The following GORASP2 variants were observed in gnomAD, a reference collection of about 807,000 sequenced individuals.
GORASP2 encodes golgi reassembly stacking protein 2.
Under a neutral mutation model 45.7 loss-of-function variants are expected in GORASP2, and 22 were observed. The ratio of observed to expected loss-of-function variants is 0.48; its 90% CI spans 0.34 to 0.69. GORASP2 has a LOEUF of 0.69. Ranked by LOEUF, GORASP2 falls within the 30% of genes least tolerant of loss-of-function variation. The probability of loss-of-function intolerance (pLI) is 0.01; values close to 1 mark genes in which losing one functional copy is unlikely to be tolerated. For synonymous variants in GORASP2, 221 were observed against 215.6 expected (o/e 1.02, Z -0.22); for missense variants, 491 against 562.7 (o/e 0.87, Z 1.29).
At chr2:170,949,152 A>G (rs946090802) in intron 2 of GORASP2, among the ~76,000 whole-genome samples, 5 of 152,186 alleles carry the variant, frequency 3.3e-5, no homozygotes, top group African/African-American at 1.2e-4. Flanking sequence ...GTATTTAGAA[A>G]TAGAGTCCAA....
At chr2:170,947,111 T>C (rs977045537) in intron 1 of GORASP2, among the ~76,000 whole-genome samples, 1 of 152,284 alleles carries the variant, frequency 6.6e-6, no homozygotes, top group African/African-American at 2.4e-5. Flanking sequence ...TTTGAGAATC[T>C]GATGAAAGCC....
chr2:170,949,360 G>A (rs2676143), intron 2 of GORASP2, among the ~76,000 whole-genome samples, 179 bp from the exon 3 acceptor site: 133,155 of 152,256 alleles, frequency 0.87, 59,115 homozygotes, highest in East Asian at 1. Flanking sequence ...TGTTGCTAAC[G>A]TAAGAGTTCT....
chr2:170,939,304 A>G (rs1704022158), intron 1 of GORASP2, among the ~76,000 whole-genome samples: 1 of 152,238 alleles, frequency 6.6e-6, no homozygotes, highest in Non-Finnish European at 1.5e-5. Context: ...GAGAACATGT[A>G]CTTTGCTTTG....
chr2:170,940,081 G>C (rs1250668702), intron 1 of GORASP2, among the ~76,000 whole-genome samples: 1 of 152,190 alleles, frequency 6.6e-6, no homozygotes, highest in Non-Finnish European at 1.5e-5. Context: ...AATATATGGT[G>C]TAGTAATAAA....
intron 1 of GORASP2, among the ~76,000 whole-genome samples, chr2:170,947,041 A>G (rs1704194312): frequency 6.6e-6 from 1 of 152,198 alleles, no homozygotes; most frequent in South Asian, 2.1e-4. Context: ...TAACCTATCA[A>G]ATGAAAGAAT....
rs147837744 is a variant in GORASP2, at chr2:170,948,143, A to G, written c.64-207A>G. Among the ~76,000 whole-genome samples the G allele has an allele frequency of 4.3e-3, 653 of 152,278 alleles. 4 individuals are homozygous for G. The highest frequency in any genetic ancestry group is 0.015 in the African/African-American group (623 of 41,552). On this transcript the variant is annotated intron_variant, in intron 1 of 9. Transcript: ENST00000234160. ...TGTCTCAAAGAAATAAAATAAAAAT[A>G]TAAATAGAAGATTAACTTAAAGAAT... is the stretch of plus-strand genomic sequence containing the variant.
In GORASP2 at chr2:170,949,696, G is replaced by A. The variant is rs1412235982; in HGVS notation, c.302G>A (p.Arg101His). 2 of 1,613,974 alleles carry A rather than the reference G, an allele frequency of 1.2e-6. No homozygotes were observed. Among genetic ancestry groups the A allele is most frequent in the South Asian group, 1.1e-5 (1 of 91,082 alleles). Residue 101 changes from arginine to histidine, a missense_variant, in exon 3 of 10, where the codon CGT becomes CAT. Arg to His is a conservative substitution (Grantham distance 29, BLOSUM62 0). Around this residue, in one of 2 missense-constraint regions of GORASP2, gnomAD observed 194 missense variants for 270.4 expected, o/e 0.72. Coordinates refer to ENST00000234160, the MANE Select transcript of GORASP2 (RefSeq NM_015530.5). The stretch of plus-strand genomic sequence containing the variant: ...CAGGGCTTATTGGGAGTGAGCATTC[G>A]TTTCTGCAGCTTTGATGGGGCAAAT... ...GGQGLLGVSIRFCSFDGANEN... is the reference protein window; with the variant it reads ...GGQGLLGVSIHFCSFDGANEN...
At chr2:170,963,463 C>T (rs1223196376) in intron 9 of GORASP2, among the ~76,000 whole-genome samples, 1 of 142,122 alleles carries the variant, frequency 7.0e-6, no homozygotes, top group Non-Finnish European at 1.5e-5. Flanking sequence ...CCTCCTCCTC[C>T]TCCTCCTCCC....
chr2:170,929,659 A>C (rs2676158), intron 1 of GORASP2: 1 of 612,456 alleles, frequency 1.6e-6, no homozygotes, highest in Non-Finnish European at 3.1e-6. Context: ...CGACTCGGCC[A>C]GGGGGCGGCC....
chr2:170,939,158 G>A (rs145817395), intron 1 of GORASP2, among the ~76,000 whole-genome samples: 11 of 152,114 alleles, frequency 7.2e-5, no homozygotes, highest in Admixed American at 2.0e-4. Context: ...AATTTCTTTC[G>A]ATGTTGTTTT....
intron 1 of GORASP2, among the ~76,000 whole-genome samples, chr2:170,937,015 C>A (rs1419915142): frequency 2.0e-5 from 3 of 152,156 alleles, no homozygotes; most frequent in Non-Finnish European, 4.4e-5. Context: ...CAAGACCAGT[C>A]TGGCCAACAT....
chr2:170,961,777 CTGA>C (rs1443259338), intron 8 of GORASP2, 28 bp downstream of exon 8: 2 of 1,073,086 alleles, frequency 1.9e-6, no homozygotes, highest in East Asian at 2.4e-5. Context: ...AGAGATGTGG[CTGA>C]TAATAACAGT....
chr2:170,936,384 G>A (rs1021457390), intron 1 of GORASP2, among the ~76,000 whole-genome samples: 10 of 151,906 alleles, frequency 6.6e-5, no homozygotes, highest in African/African-American at 2.4e-4. Context: ...GCCACGTCTA[G>A]CCAATTTTAA....
chr2:170,939,773 T>C (rs960513329), intron 1 of GORASP2, among the ~76,000 whole-genome samples: 1 of 152,174 alleles, frequency 6.6e-6, no homozygotes, highest in African/African-American at 2.4e-5. Flanking sequence ...CTCACCCTCC[T>C]CACTAAAAAA....
chr2:170,944,746 T>A (rs924337437), intron 1 of GORASP2, among the ~76,000 whole-genome samples: 4 of 152,190 alleles, frequency 2.6e-5, no homozygotes, highest in Admixed American at 2.6e-4. Flanking sequence ...AAAGGTAAAC[T>A]TCTGGCAGTC....
chr2:170,947,707 C>T (rs913530156), intron 1 of GORASP2, among the ~76,000 whole-genome samples: 1 of 152,124 alleles, frequency 6.6e-6, no homozygotes, highest in Non-Finnish European at 1.5e-5. Flanking sequence ...TTGAATTTGT[C>T]ACTTAATTGT....
chr2:170,944,834 T>C (rs767719847), intron 1 of GORASP2, among the ~76,000 whole-genome samples: 10 of 152,214 alleles, frequency 6.6e-5, no homozygotes, highest in South Asian at 4.1e-4. Flanking sequence ...TTTAGAAACA[T>C]TCAGATTCAG....
chr2:170,936,561 A>T lies in GORASP2; in HGVS notation c.63+7158A>T. On this transcript the variant is annotated intron_variant, in intron 1 of 9. Coordinates refer to ENST00000234160, the MANE Select transcript of GORASP2 (RefSeq NM_015530.5). ...AGAGACTGTACATTTCCCTGTTGGC[A>T]TTGCAAATAAATTTACTGTAGCATG... 3 of 1,009,080 alleles carry T rather than the reference A, an allele frequency of 3.0e-6. No individual in the cohort carries two copies. The South Asian group carries it at 4.1e-5, about 14-fold the overall frequency. 62.5% of individuals were successfully genotyped at this position (1,009,080 alleles called of 1,614,324 possible). A position where few individuals can be genotyped will look rare whatever the true frequency, so the allele number is the denominator to read the frequency against.
intron 5 of GORASP2, among the ~76,000 whole-genome samples, chr2:170,952,926 T>G (rs933804192): frequency 2.6e-5 from 4 of 152,350 alleles, no homozygotes; most frequent in Admixed American, 2.6e-4. Flanking sequence ...TCTTCCCACC[T>G]TGGCCTCCCA....
Sources: gnomAD v4.1 joint callset for allele counts (sites outside exome capture counted in the v4.1 genomes callset) on GRCh38, gnomAD v4.1.1 for gene constraint, gnomAD v4.1.1 regional missense constraint, MANE v1.5 for transcripts, NCBI Gene and HGNC (gene_info 2026-07-23, HGNC 2026-07-21) for gene names.